BICC1: variants seen among roughly 807,000 people sequenced by gnomAD.
The protein encoded by BICC1 is BicC family RNA binding protein 1.
In BICC1, 43 loss-of-function variants were observed where a neutral mutation model predicts 111.0. The ratio of observed to expected loss-of-function variants is 0.39; its 90% CI spans 0.30 to 0.50. The LOEUF is 0.50. Among genes scored for constraint, BICC1 ranks in the 20% least tolerant of loss-of-function variants. BICC1 has a pLI of 0.88. For synonymous variants in BICC1, 467 were observed against 434.4 expected (o/e 1.07, Z -0.93); for missense variants, 1,091 against 1,203.2 (o/e 0.91, Z 1.38).
chr10:58,703,492 G>A (rs192678751), intron 3 of BICC1, among the ~76,000 whole-genome samples: 1 of 152,224 alleles, frequency 6.6e-6, no homozygotes, highest in East Asian at 1.9e-4. Context: ...ATCATGGGCG[G>A]CAAGGAATTG....
At position 58,800,985 on chromosome 10, in the gene BICC1, G is replaced by T; in HGVS notation, c.1954G>T (p.Val652Phe). Residue 652 changes from valine (V) to phenylalanine (F), a missense_variant, in exon 14 of 21, where the codon GTT becomes TTT. Val to Phe is a conservative substitution (Grantham distance 50). This residue lies in a region of BICC1 where 843 missense variants were observed against 900.8 expected (regional missense o/e 0.94). Coordinates refer to ENST00000373886, the MANE Select transcript of BICC1 (RefSeq NM_001080512.3). ...GAAACAGATGATGTGTCCCTCCAAG[G>T]TTTCCTGTGCCAAAAGGCAGACAGT... ...DLKQMMCPSK[V>F]SCAKRQTVEL... is the part of the protein sequence containing the mutation. 1 of 1,612,182 alleles carries T rather than the reference G, an allele frequency of 6.2e-7. No homozygotes were observed. Among genetic ancestry groups the T allele is most frequent in the Non-Finnish European group, 8.5e-7 (1 of 1,179,116 alleles).
At chr10:58,741,067 A>T (rs1841646901) in intron 3 of BICC1, among the ~76,000 whole-genome samples, 1 of 152,234 alleles carries the variant, frequency 6.6e-6, no homozygotes, top group East Asian at 1.9e-4. Flanking sequence ...CCAAATTGAG[A>T]CGGGCCTGTG....
intron 1 of BICC1, among the ~76,000 whole-genome samples, chr10:58,553,065 C>G (rs1418087178): frequency 6.6e-6 from 1 of 152,092 alleles, no homozygotes; most frequent in East Asian, 1.9e-4. Context: ...AAATTGACCC[C>G]CATAGGGCTT....
At chr10:58,591,425 A>T (rs1319382328) in intron 1 of BICC1, among the ~76,000 whole-genome samples, 1 of 152,150 alleles carries the variant, frequency 6.6e-6, no homozygotes, top group Non-Finnish European at 1.5e-5. Context: ...GAAGTCAAAG[A>T]TCAAGCGTCT....
At chr10:58,520,308 G>A (rs1201212300) in intron 1 of BICC1, among the ~76,000 whole-genome samples, 1 of 152,130 alleles carries the variant, frequency 6.6e-6, no homozygotes, top group African/African-American at 2.4e-5. Context: ...TTTGGTGTGT[G>A]GGGATGATCT....
chr10:58,828,841 C>G lies in BICC1; in HGVS notation c.2875C>G (p.Leu959Val). The G allele has an allele frequency of 1.2e-6, 2 of 1,614,008 alleles. No homozygotes were observed. The highest frequency in any genetic ancestry group is 1.1e-5 in the South Asian group (1 of 91,084). The change falls in exon 21 of 21, where the codon CTA (leucine) becomes GTA (valine). Residue 959 changes from leucine to valine, a missense_variant. Transcript: ENST00000373886. Reference sequence around the variant, plus strand: ...CCTGGAAGGTGGAGCGAGTGGAAGGCTACCCCGTCAGTATCACTCAGACAT... The same window carrying G: ...CCTGGAAGGTGGAGCGAGTGGAAGGGTACCCCGTCAGTATCACTCAGACAT... Reference protein sequence around the residue: ...SFLEGGASGRLPRQYHSDIAS... With the variant: ...SFLEGGASGRVPRQYHSDIAS...
chr10:58,593,467 C>T (rs1395272451), intron 1 of BICC1, among the ~76,000 whole-genome samples: 7 of 152,088 alleles, frequency 4.6e-5, no homozygotes, highest in South Asian at 2.1e-4. Context: ...CAGTAGGGGC[C>T]GACAGACACC....
intron 1 of BICC1, among the ~76,000 whole-genome samples, chr10:58,608,207 C>T (rs1232216598): frequency 2.0e-5 from 3 of 152,034 alleles, no homozygotes; most frequent in African/African-American, 4.8e-5. Context: ...AAAACTACTC[C>T]CCACCTCTCC....
chr10:58,716,329 T>C (rs1840739233), intron 3 of BICC1: 2 of 1,425,496 alleles, frequency 1.4e-6, no homozygotes, highest in East Asian at 2.7e-5. Flanking sequence ...GAAAGTGCAA[T>C]GTCTGAGGAA....
At chr10:58,769,398 G>A (rs1162498904) in intron 3 of BICC1, among the ~76,000 whole-genome samples, 65 of 101,614 alleles carry the variant, frequency 6.4e-4, no homozygotes, top group African/African-American at 1.2e-3. Flanking sequence ...GTGTGTGTGT[G>A]TGTGTGTATA....
intron 18 of BICC1, among the ~76,000 whole-genome samples, chr10:58,814,633 A>C (rs975287543): frequency 6.6e-6 from 1 of 151,508 alleles, no homozygotes; most frequent in African/African-American, 2.4e-5. Flanking sequence ...AAAAAAAAAA[A>C]AAAAACAAGA....
chr10:58,601,139 CT>C (rs1329445907), intron 1 of BICC1, among the ~76,000 whole-genome samples: 11,135 of 39,810 alleles, frequency 0.28, 1,432 homozygotes, highest in African/African-American at 0.45. Context: ...CATTTTAAAA[CT>C]TATATATATA....
chr10:58,789,130 G>A (rs1007451332), intron 6 of BICC1, 132 bp from the exon 7 acceptor site: 3 of 713,976 alleles, frequency 4.2e-6, no homozygotes, highest in African/African-American at 3.6e-5. Context: ...ATATAATGTA[G>A]CTAAACTTAA....
At chr10:58,680,352 A>G (rs1233096491) in intron 2 of BICC1, among the ~76,000 whole-genome samples, 1 of 152,186 alleles carries the variant, frequency 6.6e-6, no homozygotes, top group Non-Finnish European at 1.5e-5. Context: ...AGGATACAAA[A>G]TGTGCAAAAA....
intron 2 of BICC1, among the ~76,000 whole-genome samples, chr10:58,660,678 T>C (rs4948533): frequency 0.98 from 148,805 of 152,206 alleles, 72,832 homozygotes; most frequent in East Asian, 1. Context: ...CCTTCTGACA[T>C]CTTTGTACCC....
rs570214290 is a variant in BICC1, at chr10:58,801,941, C to T, written c.2015+895C>T. Among the ~76,000 whole-genome samples the T allele has an allele frequency of 6.6e-5, 10 of 152,250 alleles. No homozygotes were observed. In the East Asian group the frequency reaches 1.3e-3, roughly 21 times the overall value. The stretch of plus-strand genomic sequence containing the variant: ...ACTATTGAAGCATTTAAAATAGATA[C>T]GTATTCTTGTCATCACTGAGTATGT... On this transcript the variant is annotated intron_variant, in intron 14 of 20. Transcript: ENST00000373886.
intron 2 of BICC1, among the ~76,000 whole-genome samples, chr10:58,639,736 T>TC (rs1247114251): frequency 2.8e-5 from 4 of 144,996 alleles, no homozygotes; most frequent in Non-Finnish European, 3.0e-5. Flanking sequence ...TTTTTTTTTT[T>TC]TTTTTTGAGA....
chr10:58,803,698 TGAATA>T (rs1436214008), intron 15 of BICC1, among the ~76,000 whole-genome samples: 26 of 152,206 alleles, frequency 1.7e-4, no homozygotes, highest in African/African-American at 4.8e-4. Context: ...AACTAGATGA[TGAATA>T]TTATTGATGA....
At chr10:58,755,723 T>G (rs1842124915) in intron 3 of BICC1, among the ~76,000 whole-genome samples, 1 of 152,114 alleles carries the variant, frequency 6.6e-6, no homozygotes, top group Admixed American at 6.6e-5. Context: ...TCAATGACAT[T>G]CTGGAAGATG....
Sources: allele counts gnomAD v4.1 joint callset (sites outside exome capture counted in the v4.1 genomes callset), GRCh38; gene constraint gnomAD v4.1.1; regional missense constraint gnomAD v4.1.1; transcripts MANE v1.5; gene names NCBI Gene and HGNC (gene_info 2026-07-23, HGNC 2026-07-21).